SLC4A10: variants seen among roughly 807,000 people sequenced by gnomAD.
SLC4A10 encodes the protein sodium-driven chloride bicarbonate exchanger.
SLC4A10 carries 42 observed loss-of-function variants against 137.7 expected under a neutral mutation model. The ratio of observed to expected loss-of-function variants is 0.30; its 90% CI spans 0.24 to 0.39. The LOEUF is 0.39. Ranked by LOEUF, SLC4A10 falls within the 10% of genes least tolerant of loss-of-function variation. The pLI is 1.00. For synonymous variants in SLC4A10, 474 were observed against 464.1 expected (o/e 1.02, Z -0.27); for missense variants, 925 against 1,355.0 (o/e 0.68, Z 4.98).
At chr2:161,772,447 G>T (rs1172980714) in intron 2 of SLC4A10, among the ~76,000 whole-genome samples, 2 of 151,612 alleles carry the variant, frequency 1.3e-5, no homozygotes, top group East Asian at 3.9e-4. Flanking sequence ...CTTTTTATTG[G>T]AAAATACTTA....
chr2:161,753,934 G>C (rs1249569295), intron 1 of SLC4A10, among the ~76,000 whole-genome samples: 1 of 151,258 alleles, frequency 6.6e-6, no homozygotes, highest in East Asian at 1.9e-4. Context: ...CTGTTGCCCA[G>C]GCTGGAGTGC....
At chr2:161,781,508 T>A (rs1047315876) in intron 2 of SLC4A10, among the ~76,000 whole-genome samples, 2 of 152,024 alleles carry the variant, frequency 1.3e-5, no homozygotes, top group African/African-American at 4.8e-5. Flanking sequence ...TATTTAAATA[T>A]GAGGAAAAAG....
intron 15 of SLC4A10, among the ~76,000 whole-genome samples, chr2:161,928,006 G>C (rs960838793): frequency 6.6e-6 from 1 of 150,472 alleles, no homozygotes; most frequent in African/African-American, 2.4e-5. Context: ...ATTTGACCCA[G>C]CCATCCCATT....
chr2:161,665,976 T>G (rs1353808297), intron 1 of SLC4A10, among the ~76,000 whole-genome samples: 1 of 149,078 alleles, frequency 6.7e-6, no homozygotes, highest in Non-Finnish European at 1.5e-5. Flanking sequence ...ATTAATATAG[T>G]CTTTGAAAAG....
At chr2:161,957,793 T>C (rs1695930263) in intron 20 of SLC4A10, among the ~76,000 whole-genome samples, 1 of 152,176 alleles carries the variant, frequency 6.6e-6, no homozygotes, top group South Asian at 2.1e-4. Flanking sequence ...GATTAACTAG[T>C]AATTATTTTG....
intron 1 of SLC4A10, chr2:161,708,847 A>T: frequency 6.6e-7 from 1 of 1,523,988 alleles, no homozygotes; most frequent in Non-Finnish European, 8.8e-7. Flanking sequence ...CTCATGAATT[A>T]TGATGATAAT....
chr2:161,809,922 G>A (rs2056377754), intron 3 of SLC4A10, among the ~76,000 whole-genome samples: 1 of 151,998 alleles, frequency 6.6e-6, no homozygotes, highest in African/African-American at 2.4e-5. Context: ...AAACAACATT[G>A]GTGTTTTGAT....
Position 161,844,035 on chromosome 2 carries a change from C to T in SLC4A10, c.416+4108C>T, listed in dbSNP as rs181146445. ...ATGAAATCAACACAATTACAATGTC[C>T]TGCTTATAAATAACATGTAATGTTA... On this transcript the variant is annotated intron_variant, in intron 4 of 26. Transcript: ENST00000446997. Among the ~76,000 whole-genome samples, 472 of 152,162 alleles carry T rather than the reference C, an allele frequency of 3.1e-3. 1 individual carries two copies. The highest frequency in any genetic ancestry group is 4.6e-3 in the Non-Finnish European group (311 of 67,988).
At chr2:161,955,277 A>G (rs1040090055) in intron 19 of SLC4A10, among the ~76,000 whole-genome samples, 4 of 152,178 alleles carry the variant, frequency 2.6e-5, no homozygotes, top group African/African-American at 9.7e-5. Flanking sequence ...ACATCTTCCA[A>G]AATGTTTTGC....
intron 5 of SLC4A10, among the ~76,000 whole-genome samples, chr2:161,858,276 A>G (rs1460270278): frequency 6.6e-6 from 1 of 152,006 alleles, no homozygotes; most frequent in Non-Finnish European, 1.5e-5. Flanking sequence ...TATGACCCAG[A>G]TATTGTTTTG....
At chr2:161,863,778 C>A (rs1455719881) in intron 6 of SLC4A10, among the ~76,000 whole-genome samples, 1 of 152,188 alleles carries the variant, frequency 6.6e-6, no homozygotes, top group African/African-American at 2.4e-5. Context: ...TTTAACCCCT[C>A]ATCATTTGCA....
intron 1 of SLC4A10, among the ~76,000 whole-genome samples, chr2:161,643,906 A>G (rs1051604591): frequency 6.6e-6 from 1 of 152,100 alleles, no homozygotes; most frequent in African/African-American, 2.4e-5. Context: ...AATAAGAGAG[A>G]TGGTTCAAAA....
chr2:161,982,638 G>A (rs1338115814), intron 26 of SLC4A10, among the ~76,000 whole-genome samples: 1 of 152,192 alleles, frequency 6.6e-6, no homozygotes, highest in Non-Finnish European at 1.5e-5. Flanking sequence ...TAGCACAGGT[G>A]TCTGGAGAGC....
At chr2:161,943,796 C>T (rs1295457170) in intron 16 of SLC4A10, among the ~76,000 whole-genome samples, 1 of 151,912 alleles carries the variant, frequency 6.6e-6, no homozygotes, top group East Asian at 1.9e-4. Flanking sequence ...TTCATTTGAT[C>T]AAATGCATAC....
intron 4 of SLC4A10, among the ~76,000 whole-genome samples, chr2:161,845,438 A>G (rs1467303756): frequency 6.6e-6 from 1 of 151,980 alleles, no homozygotes; most frequent in African/African-American, 2.4e-5. Context: ...CATAAAACCT[A>G]TGGGTACATC....
At chr2:161,653,907 C>T (rs1471388716) in intron 1 of SLC4A10, among the ~76,000 whole-genome samples, 1 of 152,134 alleles carries the variant, frequency 6.6e-6, no homozygotes, top group Non-Finnish European at 1.5e-5. Flanking sequence ...CCTTTGGATA[C>T]ATACTCAGAA....
At chr2:161,886,654 A>C (rs141059484) in intron 10 of SLC4A10, among the ~76,000 whole-genome samples, 2 of 152,164 alleles carry the variant, frequency 1.3e-5, no homozygotes, top group Non-Finnish European at 2.9e-5. Context: ...TCGTTTTGAC[A>C]CTAAGTCTCT....
chr2:161,703,370 T>C (rs189070543), intron 1 of SLC4A10, among the ~76,000 whole-genome samples: 31 of 151,790 alleles, frequency 2.0e-4, no homozygotes, highest in African/African-American at 7.2e-4. Context: ...AAAATACTTA[T>C]TGATGTAAGG....
At chr2:161,767,843 C>A (rs2051089326) in intron 1 of SLC4A10, among the ~76,000 whole-genome samples, 1 of 151,970 alleles carries the variant, frequency 6.6e-6, no homozygotes, top group African/African-American at 2.4e-5. Flanking sequence ...AAAACAAGGC[C>A]ACCTAGTAGA....
Sources: gnomAD v4.1 joint callset for allele counts (sites outside exome capture counted in the v4.1 genomes callset) on GRCh38, gnomAD v4.1.1 for gene constraint, MANE v1.5 for transcripts, NCBI Gene and HGNC (gene_info 2026-07-23, HGNC 2026-07-21) for gene names.